Variants in PDCD1LG2 observed in about 807,000 individuals in gnomAD.
PDCD1LG2 encodes B7 dendritic cell molecule.
Under a neutral mutation model 28.2 loss-of-function variants are expected in PDCD1LG2, and 32 were observed. The ratio of observed to expected loss-of-function variants is 1.13; its 90% CI spans 0.86 to 1.52. PDCD1LG2 has a LOEUF of 1.52. Among genes scored for constraint, PDCD1LG2 ranks in the 40% most tolerant of loss-of-function variants. PDCD1LG2 has a pLI of 0.00. For synonymous variants in PDCD1LG2, 116 were observed against 120.2 expected, an observed-to-expected ratio of 0.97 and a Z score of 0.23; for missense variants, 385 against 323.8, an observed-to-expected ratio of 1.19 and a Z score of -1.45.
chr9:5,568,514 C>T (rs535300273), intron 6 of PDCD1LG2, among the ~76,000 whole-genome samples: 1 of 152,208 alleles, frequency 6.6e-6, no homozygotes, highest in African/African-American at 2.4e-5. Context: ...CACACCCAAT[C>T]CATGGAAAAA....
At chr9:5,554,086 C>T (rs937151557) in intron 4 of PDCD1LG2, among the ~76,000 whole-genome samples, 1 of 152,202 alleles carries the variant, frequency 6.6e-6, no homozygotes, top group Non-Finnish European at 1.5e-5. Context: ...TTGAGACCTA[C>T]TACCTGGACC....
At chr9:5,514,974 G>T (rs1016569146) in intron 1 of PDCD1LG2, among the ~76,000 whole-genome samples, 1 of 152,102 alleles carries the variant, frequency 6.6e-6, no homozygotes, top group Non-Finnish European at 1.5e-5. Context: ...AGATCTTAGT[G>T]AAGTTAGTGA....
At chr9:5,531,014 T>C (rs956819173) in intron 2 of PDCD1LG2, among the ~76,000 whole-genome samples, 10 of 152,222 alleles carry the variant, frequency 6.6e-5, no homozygotes, top group African/African-American at 2.2e-4. Context: ...TTTGTGTAAC[T>C]AATGGTTCGC....
chr9:5,534,557 C>G (rs559421131), intron 2 of PDCD1LG2, among the ~76,000 whole-genome samples, 188 bp from the exon 3 acceptor site: 2 of 152,080 alleles, frequency 1.3e-5, no homozygotes, highest in African/African-American at 2.4e-5. Context: ...CTCAGATCAG[C>G]GGGTCAAGAA....
chr9:5,568,871 C>T (rs998172864), intron 6 of PDCD1LG2, among the ~76,000 whole-genome samples: 1 of 152,136 alleles, frequency 6.6e-6, no homozygotes, highest in Non-Finnish European at 1.5e-5. Context: ...ACAAACAATA[C>T]ATGAAAGTTC....
intron 4 of PDCD1LG2, among the ~76,000 whole-genome samples, chr9:5,552,099 C>T (rs376888045): frequency 2.0e-5 from 3 of 152,186 alleles, no homozygotes; most frequent in African/African-American, 7.2e-5. Flanking sequence ...TCAGCATGCC[C>T]TTAACAGACT....
chr9:5,567,834 C>T (rs574580125), intron 6 of PDCD1LG2, among the ~76,000 whole-genome samples: 4 of 152,282 alleles, frequency 2.6e-5, no homozygotes, highest in South Asian at 2.1e-4. Context: ...TAAGTATTAC[C>T]GATAAGGTAC....
At chr9:5,525,416 A>G (rs1223226069) in intron 2 of PDCD1LG2, among the ~76,000 whole-genome samples, 1 of 151,606 alleles carries the variant, frequency 6.6e-6, no homozygotes, top group Non-Finnish European at 1.5e-5. Flanking sequence ...AAAACAATCC[A>G]TATGCCCTGG....
At chr9:5,523,163 T>C (rs1820309002) in intron 2 of PDCD1LG2, among the ~76,000 whole-genome samples, 1 of 152,288 alleles carries the variant, frequency 6.6e-6, no homozygotes, top group East Asian at 1.9e-4. Flanking sequence ...GGCTATCCCT[T>C]TGGACTTGAA....
At chr9:5,556,299 C>T (rs1816440998) in intron 4 of PDCD1LG2, among the ~76,000 whole-genome samples, 1 of 152,182 alleles carries the variant, frequency 6.6e-6, no homozygotes. Context: ...AAAGTGCTTA[C>T]TAAGCACTTA....
chr9:5,565,325 G>C (rs1197572071), intron 6 of PDCD1LG2, among the ~76,000 whole-genome samples: 1 of 152,106 alleles, frequency 6.6e-6, no homozygotes, highest in Non-Finnish European at 1.5e-5. Context: ...GGGACTACAG[G>C]TGCATGCCAC....
chr9:5,543,298 G>A (rs1820722943), intron 3 of PDCD1LG2, among the ~76,000 whole-genome samples: 1 of 152,106 alleles, frequency 6.6e-6, no homozygotes, highest in African/African-American at 2.4e-5. Context: ...CCAGCACTTT[G>A]GGAGGCCGAG....
rs767666262 is a variant in PDCD1LG2 at position 5,549,614 on chromosome 9, G to A, written c.631+10G>A. ...AGCATTGACCTTCAAAGTAAGAGCTGCCCCCACTTCCTAGGTCTATCAGTT... is the reference window on the plus strand; with the variant it reads ...AGCATTGACCTTCAAAGTAAGAGCTACCCCCACTTCCTAGGTCTATCAGTT... On this transcript the variant is annotated intron_variant, in intron 4 of 6. Coordinates refer to ENST00000397747, the MANE Select transcript of PDCD1LG2 (RefSeq NM_025239.4). The A allele has an allele frequency of 6.2e-7, 1 of 1,613,868 alleles. No individual in the cohort carries two copies. Among genetic ancestry groups the A allele is most frequent in the Non-Finnish European group, 8.5e-7 (1 of 1,179,804 alleles).
At chr9:5,518,736 CTCT>C (rs1359414123) in intron 1 of PDCD1LG2, among the ~76,000 whole-genome samples, 1 of 152,204 alleles carries the variant, frequency 6.6e-6, no homozygotes, top group East Asian at 1.9e-4. Context: ...TTTTATAGCA[CTCT>C]TCTTGAGAGA....
At chr9:5,560,919 C>T (rs1398701493) in intron 5 of PDCD1LG2, among the ~76,000 whole-genome samples, 1 of 152,100 alleles carries the variant, frequency 6.6e-6, no homozygotes, top group African/African-American at 2.4e-5. Context: ...CGAGGGTGAC[C>T]TGCTGGGCTC....
At chr9:5,547,745 T>G (rs1441669842) in intron 3 of PDCD1LG2, among the ~76,000 whole-genome samples, 1 of 152,000 alleles carries the variant, frequency 6.6e-6, no homozygotes, top group African/African-American at 2.4e-5. Flanking sequence ...AAAACCAGGC[T>G]GACCAACATG....
At chr9:5,542,859 C>CAA (rs56122474) in intron 3 of PDCD1LG2, among the ~76,000 whole-genome samples, 6 of 151,558 alleles carry the variant, frequency 4.0e-5, no homozygotes, top group African/African-American at 7.3e-5. Flanking sequence ...AGTCATTATA[C>CAA]AAAAAAAAGA....
At chr9:5,525,192 G>C (rs143112126) in intron 2 of PDCD1LG2, among the ~76,000 whole-genome samples, 2,597 of 152,004 alleles carry the variant, frequency 0.017, 94 homozygotes, top group African/African-American at 0.06. Context: ...ACTAAAAATA[G>C]AAAAATATTA....
intron 3 of PDCD1LG2, among the ~76,000 whole-genome samples, chr9:5,539,741 C>T (rs1365063482): frequency 6.6e-6 from 1 of 152,092 alleles, no homozygotes; most frequent in African/African-American, 2.4e-5. Flanking sequence ...GCAGAGGAGG[C>T]ACTAAAAACA....
Sources: gnomAD v4.1 joint callset for allele counts (sites outside exome capture counted in the v4.1 genomes callset) on GRCh38, gnomAD v4.1.1 for gene constraint, MANE v1.5 for transcripts, NCBI Gene and HGNC (gene_info 2026-07-23, HGNC 2026-07-21) for gene names.